Variants in MARCHF3 observed in about 807,000 individuals in gnomAD.
MARCHF3 encodes E3 ubiquitin-protein ligase MARCHF3.
Under a neutral mutation model 24.2 loss-of-function variants are expected in MARCHF3, and 13 were observed. The ratio of observed to expected loss-of-function variants is 0.54; its 90% CI spans 0.35 to 0.85. The LOEUF (loss-of-function observed/expected upper bound fraction) is 0.85, where lower values mean the gene tolerates loss of function less well. Among genes scored for constraint, MARCHF3 ranks in the 40% least tolerant of loss-of-function variants. MARCHF3 has a pLI of 0.01. For synonymous variants in MARCHF3, 144 were observed against 137.3 expected (o/e 1.05, Z -0.34); for missense variants, 276 against 325.0 (o/e 0.85, Z 1.16).
At chr5:126,969,807 AT>A (rs1665500145) in intron 1 of MARCHF3, among the ~76,000 whole-genome samples, 1 of 152,158 alleles carries the variant, frequency 6.6e-6, no homozygotes, top group Admixed American at 6.5e-5. Flanking sequence ...GGGGCCATTA[AT>A]TTGCATTTCT....
At chr5:126,937,652 G>A (rs116606622) in intron 1 of MARCHF3, among the ~76,000 whole-genome samples, 6 of 152,218 alleles carry the variant, frequency 3.9e-5, no homozygotes, top group South Asian at 2.1e-4. Context: ...TGATTAACTC[G>A]ATTTCTGACC....
intron 1 of MARCHF3, among the ~76,000 whole-genome samples, chr5:126,985,065 G>C (rs1229807994): frequency 1.3e-5 from 2 of 152,180 alleles, no homozygotes; most frequent in Non-Finnish European, 2.9e-5. Flanking sequence ...CTCTCCCCCA[G>C]GTGGTGGTGG....
chr5:126,955,746 T>C (rs1750418298), intron 1 of MARCHF3, among the ~76,000 whole-genome samples: 1 of 152,230 alleles, frequency 6.6e-6, no homozygotes, highest in African/African-American at 2.4e-5. Context: ...AAAATATTTT[T>C]CCAGTTCAGA....
intron 1 of MARCHF3, among the ~76,000 whole-genome samples, chr5:126,942,680 C>T (rs1242034546): frequency 6.6e-6 from 1 of 152,166 alleles, no homozygotes; most frequent in Non-Finnish European, 1.5e-5. Flanking sequence ...TTTAAAGCCA[C>T]TAGTTAATTT....
At chr5:126,915,738 T>TA (rs1224474806) in intron 2 of MARCHF3, among the ~76,000 whole-genome samples, 1 of 152,104 alleles carries the variant, frequency 6.6e-6, no homozygotes. Flanking sequence ...TGAAAGCGAG[T>TA]AATGAGTATG....
chr5:126,916,544 C>T (rs548896548), intron 2 of MARCHF3, among the ~76,000 whole-genome samples: 3 of 152,190 alleles, frequency 2.0e-5, no homozygotes, highest in Admixed American at 6.5e-5. Flanking sequence ...CTTGTGCCCA[C>T]GAGTGGGAAA....
chr5:126,917,171 A>T (rs1748890924), intron 2 of MARCHF3, among the ~76,000 whole-genome samples: 1 of 152,174 alleles, frequency 6.6e-6, no homozygotes, highest in Non-Finnish European at 1.5e-5. Context: ...TAGGGGGCAA[A>T]TCCAATGTTG....
chr5:126,937,017 GC>G (rs1409654035), intron 1 of MARCHF3, among the ~76,000 whole-genome samples: 2 of 152,380 alleles, frequency 1.3e-5, no homozygotes, highest in Non-Finnish European at 2.9e-5. Context: ...TGTGTCATTT[GC>G]TTTCCCTCAG....
intron 4 of MARCHF3, among the ~76,000 whole-genome samples, chr5:126,872,074 C>CTTTTT (rs70997318): frequency 3.7e-4 from 35 of 94,484 alleles, no homozygotes; most frequent in Admixed American, 5.1e-4. Flanking sequence ...AGATCCTTGT[C>CTTTTT]TTTTTTTTTT....
In MARCHF3 at chr5:126,960,006, G is replaced by A. The variant is rs747047224; in HGVS notation, c.-56-41779C>T. Among the ~76,000 whole-genome samples the A allele has an allele frequency of 1.8e-4, 28 of 152,110 alleles. 1 individual carries two copies. Among genetic ancestry groups the A allele is most frequent in the Non-Finnish European group, 4.0e-4 (27 of 67,998 alleles). Reference sequence around the variant, plus strand: ...AAGAAATGGGCATAAATTGCAGCAGGAGGGGTTTGAGTTAGAGTTTTAGAA... The same window carrying A: ...AAGAAATGGGCATAAATTGCAGCAGAAGGGGTTTGAGTTAGAGTTTTAGAA... On this transcript the variant is annotated intron_variant, in intron 1 of 4. Transcript: ENST00000308660.
intron 1 of MARCHF3, among the ~76,000 whole-genome samples, chr5:126,996,137 C>T (rs947341844): frequency 1.3e-5 from 2 of 152,190 alleles, no homozygotes; most frequent in African/African-American, 4.8e-5. Flanking sequence ...TCAATGTCTT[C>T]AGGCCTCAGG....
intron 3 of MARCHF3, among the ~76,000 whole-genome samples, chr5:126,880,543 C>G (rs1688473538): frequency 6.6e-6 from 1 of 152,072 alleles, no homozygotes. Context: ...ATATCACTAT[C>G]AAGTGGAGAG....
At chr5:127,022,383 T>C (rs1456165772) in intron 1 of MARCHF3, among the ~76,000 whole-genome samples, 1 of 152,040 alleles carries the variant, frequency 6.6e-6, no homozygotes, top group Non-Finnish European at 1.5e-5. Context: ...AAAGAGAATA[T>C]CAAAGGAAGG....
chr5:126,948,212 T>C (rs1750093910), intron 1 of MARCHF3, among the ~76,000 whole-genome samples: 2 of 152,138 alleles, frequency 1.3e-5, no homozygotes, highest in Non-Finnish European at 2.9e-5. Context: ...CTGCTAAGAA[T>C]GTCATCCATC....
intron 1 of MARCHF3, among the ~76,000 whole-genome samples, chr5:126,959,543 T>C (rs1174557207): frequency 1.3e-5 from 2 of 152,242 alleles, no homozygotes; most frequent in South Asian, 2.1e-4. Flanking sequence ...TAAGTAAATA[T>C]GAATGATGTA....
At chr5:126,997,508 C>T (rs554616402) in intron 1 of MARCHF3, among the ~76,000 whole-genome samples, 4 of 152,262 alleles carry the variant, frequency 2.6e-5, no homozygotes, top group African/African-American at 9.6e-5. Context: ...AGGCTGGACC[C>T]CCTTACCAGG....
Position 126,915,053 on chromosome 5 carries a change from T to C in MARCHF3, c.270A>G (p.Thr90=), listed in dbSNP as rs374685245. 8.4e-5 allele frequency: 135 copies of C among 1,614,076 alleles called. No individual in the cohort carries two copies. Among genetic ancestry groups the C allele is most frequent in the Non-Finnish European group, 1.1e-4 (128 of 1,180,024 alleles). Residue 90 remains threonine (T), a synonymous_variant, in exon 3 of 5, where the codon ACA becomes ACG. Transcript: ENST00000308660. ...TCCGATGAATTGTCCCCAAGGTCCCTGTACATTCACATGGAGAGAGCAAGT... is the reference window on the plus strand; with the variant it reads ...TCCGATGAATTGTCCCCAAGGTCCCCGTACATTCACATGGAGAGAGCAAGT... ...QEDLLSPCEC[T]GTLGTIHRSC... is the part of the protein sequence containing the mutation.
At chr5:126,995,913 T>C (rs1751934354) in intron 1 of MARCHF3, among the ~76,000 whole-genome samples, 2 of 152,192 alleles carry the variant, frequency 1.3e-5, no homozygotes, top group Admixed American at 1.3e-4. Flanking sequence ...ATAAATACAC[T>C]GCTAAGGCAG....
intron 1 of MARCHF3, among the ~76,000 whole-genome samples, chr5:126,940,392 T>G (rs1025011049): frequency 7.9e-5 from 12 of 152,204 alleles, no homozygotes; most frequent in Non-Finnish European, 1.8e-4. Context: ...GAGAAATATT[T>G]TTATGCTAGA....
Sources: allele counts gnomAD v4.1 joint callset (sites outside exome capture counted in the v4.1 genomes callset), GRCh38; gene constraint gnomAD v4.1.1; transcripts MANE v1.5; gene names NCBI Gene and HGNC (gene_info 2026-07-23, HGNC 2026-07-21).